Variants in CACNA2D3 observed in about 807,000 individuals in gnomAD.
CACNA2D3 encodes voltage-dependent calcium channel subunit alpha-2/delta-3.
Under a neutral mutation model 160.6 loss-of-function variants are expected in CACNA2D3, and 60 were observed. The ratio of observed to expected loss-of-function variants is 0.37; its 90% CI spans 0.30 to 0.46. The LOEUF is 0.46. Among genes scored for constraint, CACNA2D3 ranks in the 20% least tolerant of loss-of-function variants. CACNA2D3 has a pLI of 1.00. For synonymous variants in CACNA2D3, 558 were observed against 492.9 expected, an observed-to-expected ratio of 1.13 and a Z score of -1.75; for missense variants, 1,205 against 1,365.0, an observed-to-expected ratio of 0.88 and a Z score of 1.85.
intron 11 of CACNA2D3, among the ~76,000 whole-genome samples, chr3:54,698,634 A>G (rs1423957855): frequency 6.6e-6 from 1 of 152,184 alleles, no homozygotes; most frequent in African/African-American, 2.4e-5. Flanking sequence ...GCTTGACGTC[A>G]TCTTTGAAGA....
intron 11 of CACNA2D3, among the ~76,000 whole-genome samples, chr3:54,741,624 T>C (rs577490559): frequency 6.6e-6 from 1 of 151,918 alleles, no homozygotes; most frequent in South Asian, 2.1e-4. Flanking sequence ...GACTGTTATT[T>C]CACCAGGCTC....
chr3:54,263,348 CCAGA>C (rs1017708700), intron 2 of CACNA2D3, among the ~76,000 whole-genome samples: 4 of 152,012 alleles, frequency 2.6e-5, no homozygotes, highest in Non-Finnish European at 4.4e-5. Context: ...TTAATGTTTG[CCAGA>C]CAGTGTTCTA....
intron 27 of CACNA2D3, among the ~76,000 whole-genome samples, chr3:54,945,361 G>A (rs372418868): frequency 3.9e-5 from 6 of 152,250 alleles, no homozygotes; most frequent in African/African-American, 1.2e-4. Flanking sequence ...TCTTGGCCTC[G>A]AAAGTGGCCA....
chr3:55,017,352 A>G (rs1221675271), intron 34 of CACNA2D3, among the ~76,000 whole-genome samples: 2 of 152,088 alleles, frequency 1.3e-5, no homozygotes, highest in African/African-American at 4.8e-5. Flanking sequence ...TAACCACTAT[A>G]CTATAGTGTC....
chr3:54,697,041 C>A (rs1700678942), intron 11 of CACNA2D3, among the ~76,000 whole-genome samples: 1 of 152,116 alleles, frequency 6.6e-6, no homozygotes, highest in African/African-American at 2.4e-5. Flanking sequence ...CTTTGGGAGG[C>A]CGAGGCAGGT....
At chr3:54,379,272 G>A (rs6445651) in intron 3 of CACNA2D3, among the ~76,000 whole-genome samples, 130,814 of 152,254 alleles carry the variant, frequency 0.86, 56,239 homozygotes, top group Middle Eastern at 0.88. Context: ...CATTTTATAC[G>A]AAATGTTCAT....
intron 11 of CACNA2D3, among the ~76,000 whole-genome samples, chr3:54,655,235 T>C (rs1459557365): frequency 6.6e-6 from 1 of 152,214 alleles, no homozygotes; most frequent in African/African-American, 2.4e-5. Context: ...AGCGCAGTGC[T>C]GCCTAATGGA....
intron 2 of CACNA2D3, among the ~76,000 whole-genome samples, chr3:54,274,385 C>A (rs577108687): frequency 7.9e-5 from 12 of 151,904 alleles, no homozygotes; most frequent in Non-Finnish European, 1.6e-4. Context: ...ATCCTTGAGG[C>A]CCACTTCAAG....
chr3:54,762,871 C>T (rs899290674), intron 12 of CACNA2D3, among the ~76,000 whole-genome samples: 3 of 151,994 alleles, frequency 2.0e-5, no homozygotes, highest in African/African-American at 7.2e-5. Context: ...GCAGGCGGAT[C>T]ACGAGGTCAG....
intron 17 of CACNA2D3, among the ~76,000 whole-genome samples, chr3:54,863,885 A>G (rs956536925): frequency 6.6e-6 from 1 of 152,214 alleles, no homozygotes; most frequent in African/African-American, 2.4e-5. Flanking sequence ...TTGTCTTGAC[A>G]TGCCCCGTTG....
intron 9 of CACNA2D3, among the ~76,000 whole-genome samples, chr3:54,597,412 A>G (rs1426675967): frequency 1.3e-5 from 2 of 150,226 alleles, no homozygotes; most frequent in Non-Finnish European, 3.0e-5. Flanking sequence ...TTGCTCCTTG[A>G]CCTCTCTCTC....
At chr3:54,851,841 C>A (rs1575511324) in intron 17 of CACNA2D3, among the ~76,000 whole-genome samples, 2 of 152,194 alleles carry the variant, frequency 1.3e-5, no homozygotes, top group African/African-American at 2.4e-5. Context: ...ATTTTACATT[C>A]TTTTCATGCT....
intron 9 of CACNA2D3, among the ~76,000 whole-genome samples, chr3:54,592,090 T>C (rs1702870546): frequency 6.6e-6 from 1 of 152,182 alleles, no homozygotes; most frequent in African/African-American, 2.4e-5. Context: ...GGGATTATGA[T>C]GTTGTGCACT....
At chr3:54,716,572 A>G (rs1034379971) in intron 11 of CACNA2D3, among the ~76,000 whole-genome samples, 1 of 152,020 alleles carries the variant, frequency 6.6e-6, no homozygotes, top group African/African-American at 2.4e-5. Flanking sequence ...ATATACATTC[A>G]TCTCTGGGTG....
intron 4 of CACNA2D3, among the ~76,000 whole-genome samples, chr3:54,413,533 C>A (rs1041364909): frequency 6.7e-6 from 1 of 150,202 alleles, no homozygotes; most frequent in Non-Finnish European, 1.5e-5. Flanking sequence ...TGTTACCTGC[C>A]CCTTTCTCTT....
At chr3:54,775,208 T>C (rs1369264441) in intron 13 of CACNA2D3, among the ~76,000 whole-genome samples, 1 of 152,170 alleles carries the variant, frequency 6.6e-6, no homozygotes, top group Non-Finnish European at 1.5e-5. Context: ...AAATTGATCC[T>C]GGGAAGACCG....
chr3:54,350,785 A>G (rs1047387110), intron 3 of CACNA2D3, among the ~76,000 whole-genome samples: 1 of 151,998 alleles, frequency 6.6e-6, no homozygotes, highest in African/African-American at 2.4e-5. Flanking sequence ...TGTGTTTTCA[A>G]TGTGTTCTCT....
chr3:54,187,254 G>T (rs1020572911), intron 2 of CACNA2D3, among the ~76,000 whole-genome samples: 1 of 152,160 alleles, frequency 6.6e-6, no homozygotes, highest in African/African-American at 2.4e-5. Context: ...CTCCTGGGCT[G>T]TCTTAGATGT....
intron 17 of CACNA2D3, among the ~76,000 whole-genome samples, chr3:54,856,825 G>A (rs1040323493): frequency 1.3e-5 from 2 of 152,140 alleles, no homozygotes; most frequent in Non-Finnish European, 2.9e-5. Flanking sequence ...TTGTTGCCCA[G>A]GCTGGAGTGC....
Sources: allele counts gnomAD v4.1 joint callset (sites outside exome capture counted in the v4.1 genomes callset), GRCh38; gene constraint gnomAD v4.1.1; transcripts MANE v1.5; gene names NCBI Gene and HGNC (gene_info 2026-07-23, HGNC 2026-07-21).